MTCL1: variants seen among roughly 807,000 people sequenced by gnomAD.
MTCL1 encodes microtubule crosslinking factor 1, also known as microtubule cross-linking factor 1.
Under a neutral mutation model 141.4 loss-of-function variants are expected in MTCL1, and 79 were observed. That is an observed-to-expected ratio of 0.56 (90% CI 0.47 to 0.67). The LOEUF (loss-of-function observed/expected upper bound fraction) is 0.67, where lower values mean the gene tolerates loss of function less well. Among genes scored for constraint, MTCL1 ranks in the 30% least tolerant of loss-of-function variants. The probability of loss-of-function intolerance (pLI) is 0.00; values close to 1 mark genes in which losing one functional copy is unlikely to be tolerated. For missense variants in MTCL1, 2,177 were observed against 2,113.9 expected (o/e 1.03, Z -0.59); for synonymous variants, 914 against 875.8 (o/e 1.04, Z -0.77).
chr18:8,812,192 A>G (rs1421244255), intron 11 of MTCL1, among the ~76,000 whole-genome samples: 4 of 152,242 alleles, frequency 2.6e-5, no homozygotes, highest in African/African-American at 7.2e-5. Flanking sequence ...TATTTTCTGT[A>G]TAGATCAAAG....
chr18:8,773,896 G>A (rs145347833), intron 4 of MTCL1, among the ~76,000 whole-genome samples: 3 of 152,042 alleles, frequency 2.0e-5, no homozygotes, highest in East Asian at 1.9e-4. Flanking sequence ...TACCAGCACC[G>A]AACCATTGTA....
chr18:8,713,122 A>G (rs1282953698), upstream of MTCL1, among the ~76,000 whole-genome samples: 1 of 152,198 alleles, frequency 6.6e-6, no homozygotes. Context: ...GTACCTCATT[A>G]TTCCTCTAAT....
At chr18:8,718,319 TGTAG>T (rs1222818862) in intron 2 of MTCL1, 101 bp from the exon 2 acceptor site, 49 of 1,122,326 alleles carry the variant, frequency 4.4e-5, no homozygotes, top group Non-Finnish European at 6.1e-5. Context: ...TGGGTAAGCG[TGTAG>T]GTATTCAATA....
chr18:8,832,031 A>G (rs1292639563), exon 17 of MTCL1: 2 of 587,072 alleles, frequency 3.4e-6, no homozygotes, highest in South Asian at 2.2e-5. Flanking sequence ...TCAGAAAACT[A>G]TTTTTGTCTC....
chr18:8,751,826 T>C (rs1190452974), intron 4 of MTCL1, among the ~76,000 whole-genome samples: 1 of 152,186 alleles, frequency 6.6e-6, no homozygotes, highest in Non-Finnish European at 1.5e-5. Context: ...GATGGAGCCG[T>C]GGGATTCGCT....
At position 8,711,916 on chromosome 18, in the gene MTCL1, C is replaced by T. The variant is rs1486190708; in HGVS notation, c.1053+5203C>T. Among the ~76,000 whole-genome samples, 3 of 152,190 alleles carry T rather than the reference C, an allele frequency of 2.0e-5. No homozygotes were observed. In the East Asian group the frequency reaches 5.8e-4, roughly 29 times the overall value. ...TTCCTTCCCTGCCAGGCTGCCAAGA[C>T]TGTGTTTTGCTCGAGTGCTCGGAGA... is the stretch of plus-strand genomic sequence containing the variant. On this transcript the variant is annotated intron_variant, in intron 1 of 13. Transcript: ENST00000306329.
intron 12 of MTCL1, among the ~76,000 whole-genome samples, chr18:8,817,121 C>T (rs1232313987): frequency 6.6e-6 from 1 of 152,172 alleles, no homozygotes; most frequent in Non-Finnish European, 1.5e-5. Flanking sequence ...CACTCACACC[C>T]TCAGTGCACA....
chr18:8,799,771 G>A (rs1161324807), intron 10 of MTCL1, among the ~76,000 whole-genome samples: 1 of 152,162 alleles, frequency 6.6e-6, no homozygotes, highest in East Asian at 1.9e-4. Flanking sequence ...AGAAAACCTC[G>A]CACATCTGGT....
chr18:8,784,781 A>G (rs1306669391), exon 6 of MTCL1: 3 of 1,613,418 alleles, frequency 1.9e-6, no homozygotes, highest in Non-Finnish European at 2.5e-6. Flanking sequence ...CTCCACTGTG[A>G]CTTCCGTGTC....
rs867611782 is a variant in MTCL1 at position 8,832,001 on chromosome 18, A to G, written c.*413A>G. 2.2e-5 allele frequency: 15 copies of G among 674,554 alleles called. 1 individual carries two copies. Among genetic ancestry groups the G allele is most frequent in the African/African-American group, 2.2e-4 (12 of 55,396 alleles). 41.8% of individuals were successfully genotyped at this position (674,554 alleles called of 1,614,324 possible). A position where few individuals can be genotyped will look rare whatever the true frequency, so the allele number is the denominator to read the frequency against. On this transcript the variant is annotated 3_prime_UTR_variant, in exon 17 of 17. Coordinates refer to ENST00000359865, the Ensembl canonical transcript of MTCL1. The stretch of plus-strand genomic sequence containing the variant: ...ATGAAACAGTAAATGTGCCTGTAAT[A>G]ACTTAATTTTTTTCATAGCTCAGAA...
intron 5 of MTCL1, among the ~76,000 whole-genome samples, chr18:8,781,197 A>G (rs2143431213): frequency 6.6e-6 from 1 of 151,634 alleles, no homozygotes; most frequent in African/African-American, 2.4e-5. Context: ...AAAAAAAAAA[A>G]AAAAAAAAGA....
At chr18:8,740,674 G>A (rs1428420152) in intron 4 of MTCL1, among the ~76,000 whole-genome samples, 2 of 152,146 alleles carry the variant, frequency 1.3e-5, no homozygotes, top group African/African-American at 2.4e-5. Context: ...GTAGAGACAG[G>A]ATTTCACCAT....
intron 4 of MTCL1, among the ~76,000 whole-genome samples, chr18:8,763,085 C>T (rs1003527540): frequency 6.6e-6 from 1 of 152,244 alleles, no homozygotes. Context: ...CTCCCCCCAA[C>T]CAAGCCCGCT....
At chr18:8,724,288 G>A (rs919615001) in intron 4 of MTCL1, among the ~76,000 whole-genome samples, 12 of 152,076 alleles carry the variant, frequency 7.9e-5, no homozygotes, top group Non-Finnish European at 1.6e-4. Context: ...GCGCACACCT[G>A]TAATCCCAGC....
chr18:8,829,647 A>G (rs541749748), intron 16 of MTCL1: 3 of 985,276 alleles, frequency 3.0e-6, no homozygotes. Flanking sequence ...TCATCCACCC[A>G]CCTCATCCAC....
rs1053319423 is a variant in MTCL1, at chr18:8,779,591, C to A, written c.417+1699C>A. On this transcript the variant is annotated intron_variant, in intron 5 of 16. Transcript: ENST00000359865. This position sits in a 1 kb window ranked among gnomAD's most constrained non-coding sequence, Gnocchi z 4.1. ...CCTCAGGCCGCCCCTCTCCTGTACACAACACCCGGCAGGTGCAGCGGGCCC... is the reference window on the plus strand; with the variant it reads ...CCTCAGGCCGCCCCTCTCCTGTACAAAACACCCGGCAGGTGCAGCGGGCCC... Among the ~76,000 whole-genome samples, 2 of 152,194 alleles carry A rather than the reference C, an allele frequency of 1.3e-5. No homozygotes were observed. The highest frequency in any genetic ancestry group is 4.8e-5 in the African/African-American group (2 of 41,460).
intron 4 of MTCL1, among the ~76,000 whole-genome samples, chr18:8,770,002 C>T (rs757978561): frequency 6.6e-6 from 1 of 152,200 alleles, no homozygotes; most frequent in African/African-American, 2.4e-5. Flanking sequence ...CCTTTGTGCT[C>T]TTTTGCTAAA....
intron 4 of MTCL1, among the ~76,000 whole-genome samples, chr18:8,759,370 G>T (rs1281066315): frequency 3.3e-5 from 5 of 152,206 alleles, no homozygotes; most frequent in Admixed American, 1.3e-4. Flanking sequence ...GAGTTCAGGA[G>T]GAATTTGGAA....
intron 4 of MTCL1, 69 bp from the exon 4 acceptor site, chr18:8,777,764 C>T (rs566464334): frequency 6.1e-5 from 87 of 1,420,378 alleles, no homozygotes; most frequent in East Asian, 2.1e-4. Context: ...CCCATGGGGA[C>T]GATGTTTGCT....
Sources: allele counts gnomAD v4.1 joint callset (sites outside exome capture counted in the v4.1 genomes callset), GRCh38; gene constraint gnomAD v4.1.1; non-coding constraint Gnocchi (gnomAD v3.1); transcripts MANE v1.5; gene names NCBI Gene and HGNC (gene_info 2026-07-23, HGNC 2026-07-21).